Variants in DCUN1D2 observed in about 807,000 individuals in gnomAD.
DCUN1D2 encodes defective in cullin neddylation 1 domain containing 2.
In DCUN1D2, 29 loss-of-function variants were observed where a neutral mutation model predicts 30.9. The ratio of observed to expected loss-of-function variants is 0.94; its 90% CI spans 0.70 to 1.28. The LOEUF is 1.28. Ranked by LOEUF, DCUN1D2 falls within the 50% of genes most tolerant of loss-of-function variation. The pLI is 0.00. For missense variants in DCUN1D2, 325 were observed against 316.9 expected (o/e 1.03, Z -0.19); for synonymous variants, 121 against 115.3 (o/e 1.05, Z -0.32).
At position 113,483,918 on chromosome 13, in the gene DCUN1D2, G is replaced by T; in HGVS notation, c.142C>A (p.Pro48Thr). Residue 48 changes from proline (P) to threonine (T), a missense_variant, in exon 2 of 7, where the codon CCA becomes ACA. Transcript: ENST00000478244. ...ATGGACTCCCTGTGGAGCGAGTCTG[G>T]GTTTTGGAAGAAGCTGTCCGTGGCC... ...DEATDSFFQN[P>T]DSLHRESMRN... The T allele has an allele frequency of 6.2e-7, 1 of 1,614,036 alleles. No individual in the cohort carries two copies. The highest frequency in any genetic ancestry group is 1.7e-4 in the Middle Eastern group (1 of 5,912).
At chr13:113,460,246 C>T (rs2044297018) in intron 5 of DCUN1D2, among the ~76,000 whole-genome samples, 1 of 152,210 alleles carries the variant, frequency 6.6e-6, no homozygotes, top group African/African-American at 2.4e-5. Context: ...GGTACCATTC[C>T]CAGGCAAGGA....
intron 1 of DCUN1D2, among the ~76,000 whole-genome samples, chr13:113,487,987 A>G (rs1172550836): frequency 1.3e-5 from 2 of 152,218 alleles, no homozygotes; most frequent in African/African-American, 4.8e-5. Context: ...GAATGTGCAA[A>G]TCTGGAAGAT....
chr13:113,467,864 A>G (rs1236477623), intron 4 of DCUN1D2, among the ~76,000 whole-genome samples: 1 of 151,730 alleles, frequency 6.6e-6, no homozygotes, highest in Non-Finnish European at 1.5e-5. Context: ...ACCAACATGG[A>G]GAAACCCCAT....
At chr13:113,458,279 T>C (rs2044259020) in intron 6 of DCUN1D2, among the ~76,000 whole-genome samples, 171 bp from the exon 7 acceptor site, 2 of 152,220 alleles carry the variant, frequency 1.3e-5, no homozygotes, top group African/African-American at 4.8e-5. Flanking sequence ...TCTTTCGCCC[T>C]AGCACGGCCA....
rs765799407 is a variant in DCUN1D2 at position 113,461,117 on chromosome 13, C to T, written c.540G>A (p.Ala180=). The T allele has an allele frequency of 4.5e-5, 73 of 1,608,954 alleles. No homozygotes were observed. The highest frequency in any genetic ancestry group is 1.6e-4 in the Middle Eastern group (1 of 6,078). Residue 180 remains alanine (A), a synonymous_variant, in exon 5 of 7, where the codon GCG becomes GCA. Coordinates refer to ENST00000478244, the MANE Select transcript of DCUN1D2 (RefSeq NM_001014283.2). ...TTCCAGATAACACTAATTTCCAATA[C>T]GCAACAGCCATTTCTAAGTCTGGTA... ...QKGLDLEMAV[A]YWKLVLSGRF... is the part of the protein sequence containing the mutation.
At chr13:113,476,539 TTATA>T (rs1181730553) in intron 3 of DCUN1D2, among the ~76,000 whole-genome samples, 18 of 152,218 alleles carry the variant, frequency 1.2e-4, no homozygotes, top group African/African-American at 4.1e-4. Context: ...TAGAAATTCT[TTATA>T]TATTAAAGAT....
rs1238704527 is a variant in DCUN1D2 at position 113,490,572 on chromosome 13, C to T, written c.3+95G>A. On this transcript the variant is annotated intron_variant, in intron 1 of 6. Transcript: ENST00000478244. This position sits in a 1 kb window ranked among gnomAD's most constrained non-coding sequence, Gnocchi z 5.2. ...GGAACGCCCCGCGCAGCTCGCTGGG[C>T]TCGGCCTCCCACATCCAGCGCGCCG... 3.5e-6 allele frequency: 4 copies of T among 1,135,312 alleles called. No individual in the cohort carries two copies. Among genetic ancestry groups the T allele is most frequent in the African/African-American group, 3.3e-5 (2 of 61,510 alleles). The allele number at this position is 1,135,312 out of a possible 1,614,324, so 70.3% of individuals were successfully genotyped here. A position where few individuals can be genotyped will look rare whatever the true frequency, so the allele number is the denominator to read the frequency against.
intron 2 of DCUN1D2, among the ~76,000 whole-genome samples, chr13:113,482,201 C>G (rs770012367): frequency 6.6e-5 from 10 of 152,138 alleles, no homozygotes; most frequent in Non-Finnish European, 2.9e-5. Flanking sequence ...AGTCTTAGAA[C>G]TACGTTTATT....
chr13:113,471,332 C>T (rs1280727613), intron 4 of DCUN1D2, among the ~76,000 whole-genome samples: 1 of 149,140 alleles, frequency 6.7e-6, no homozygotes, highest in Non-Finnish European at 1.5e-5. Context: ...CACAGGGGAC[C>T]CAACTCCATA....
At chr13:113,469,774 G>C in intron 4 of DCUN1D2, among the ~76,000 whole-genome samples, 1 of 148,176 alleles carries the variant, frequency 6.7e-6, no homozygotes, top group East Asian at 1.9e-4. Flanking sequence ...AAGAATTCGA[G>C]GCTGCAGTGA....
intron 5 of DCUN1D2, among the ~76,000 whole-genome samples, chr13:113,459,894 G>A (rs1378951098): frequency 2.0e-5 from 3 of 152,106 alleles, no homozygotes; most frequent in Admixed American, 1.3e-4. Context: ...GTGCTCCATC[G>A]CACCAATATT....
chr13:113,481,777 G>A (rs889715317), intron 2 of DCUN1D2, among the ~76,000 whole-genome samples: 3 of 151,938 alleles, frequency 2.0e-5, no homozygotes, highest in Non-Finnish European at 2.9e-5. Context: ...CCAGCTACTC[G>A]GGGGGCTGAG....
At chr13:113,463,347 G>C (rs112649160) in intron 4 of DCUN1D2, among the ~76,000 whole-genome samples, 9 of 152,050 alleles carry the variant, frequency 5.9e-5, no homozygotes, top group African/African-American at 2.2e-4. Context: ...AGTACCTTAG[G>C]GCAGACATAA....
chr13:113,490,676 C>G lies in DCUN1D2; in HGVS notation c.-7G>C, dbSNP rs555970901. ...ACGCCGGGCCACCTACCATCTCCCC[C>G]GCGCCGCCCGCTTCTGGCCGGCCCC... is the stretch of plus-strand genomic sequence containing the variant. On this transcript the variant is annotated 5_prime_UTR_variant, in exon 1 of 7. Transcript: ENST00000478244. This position sits in a 1 kb window ranked among gnomAD's most constrained non-coding sequence, Gnocchi z 5.2. 40 of 1,244,896 alleles carry G rather than the reference C, an allele frequency of 3.2e-5. No individual in the cohort carries two copies. Among genetic ancestry groups the G allele is most frequent in the Middle Eastern group, 3.2e-4 (1 of 3,158 alleles). The allele number at this position is 1,244,896 out of a possible 1,614,324, so 77.1% of individuals were successfully genotyped here. A position where few individuals can be genotyped will look rare whatever the true frequency, so the allele number is the denominator to read the frequency against.
Position 113,490,547 on chromosome 13 carries a change from G to A in DCUN1D2, c.3+120C>T. ...GCGCGTTCCTCCCTCGGATCCACGCGGAACGCCCCGCGCAGCTCGCTGGGC... is the reference window on the plus strand; with the variant it reads ...GCGCGTTCCTCCCTCGGATCCACGCAGAACGCCCCGCGCAGCTCGCTGGGC... On this transcript the variant is annotated intron_variant, in intron 1 of 6. Coordinates refer to ENST00000478244, the MANE Select transcript of DCUN1D2 (RefSeq NM_001014283.2). This position sits in a 1 kb window ranked among gnomAD's most constrained non-coding sequence, Gnocchi z 5.2. 1.9e-6 allele frequency: 2 copies of A among 1,042,330 alleles called. No individual in the cohort carries two copies. The highest frequency in any genetic ancestry group is 3.0e-5 in the South Asian group (1 of 32,890). The allele number at this position is 1,042,330 out of a possible 1,614,324, so 64.6% of individuals were successfully genotyped here. A position where few individuals can be genotyped will look rare whatever the true frequency, so the allele number is the denominator to read the frequency against.
chr13:113,461,395 G>A (rs1171105173), intron 4 of DCUN1D2, among the ~76,000 whole-genome samples: 1 of 152,192 alleles, frequency 6.6e-6, no homozygotes, highest in Non-Finnish European at 1.5e-5. Flanking sequence ...TAATTAATCA[G>A]TTTTGGAGAC....
At position 113,481,845 on chromosome 13, in the gene DCUN1D2, T is replaced by C. The variant is rs189826769; in HGVS notation, c.221-1102A>G. 4.4e-3 allele frequency among the ~76,000 whole-genome samples: 643 copies of C among 145,884 alleles called. 34 individuals carry two copies. The East Asian group carries it at 0.1, about 23-fold the overall frequency. On this transcript the variant is annotated intron_variant, in intron 2 of 6. Transcript: ENST00000478244. ...GTTGCAGTGAGCCAAGATCATGCCATTGCACTCCAGCCTGGGTGACAAAAA... is the reference window on the plus strand; with the variant it reads ...GTTGCAGTGAGCCAAGATCATGCCACTGCACTCCAGCCTGGGTGACAAAAA...
chr13:113,459,559 A>G (rs1414583379), intron 5 of DCUN1D2, 151 bp from the exon 6 acceptor site: 1 of 506,572 alleles, frequency 2.0e-6, no homozygotes, highest in East Asian at 3.0e-5. Flanking sequence ...AGCGTTCTGT[A>G]TAAATGTTAA....
intron 3 of DCUN1D2, 56 bp downstream of exon 3, chr13:113,480,519 A>G: frequency 1.3e-6 from 2 of 1,590,726 alleles, no homozygotes; most frequent in East Asian, 4.5e-5. Context: ...GCTGAAAAAT[A>G]ATGTTAGAAG....
Sources: gnomAD v4.1 joint callset for allele counts (sites outside exome capture counted in the v4.1 genomes callset) on GRCh38, gnomAD v4.1.1 for gene constraint, Gnocchi (gnomAD v3.1) non-coding constraint, MANE v1.5 for transcripts, NCBI Gene and HGNC (gene_info 2026-07-23, HGNC 2026-07-21) for gene names.